TADA1: variants seen among roughly 807,000 people sequenced by gnomAD.
TADA1 encodes transcriptional adapter 1.
Under a neutral mutation model 39.3 loss-of-function variants are expected in TADA1, and 23 were observed. The ratio of observed to expected loss-of-function variants is 0.58; its 90% confidence interval spans 0.42 to 0.83. TADA1 has a LOEUF of 0.83. Among genes scored for constraint, TADA1 ranks in the 40% least tolerant of loss-of-function variants. TADA1 has a pLI of 0.00. For synonymous variants in TADA1, 137 were observed against 151.8 expected, an observed-to-expected ratio of 0.90 and a Z score of 0.72; for missense variants, 352 against 408.1, an observed-to-expected ratio of 0.86 and a Z score of 1.18.
chr1:166,866,750 A>T lies in TADA1; in HGVS notation c.232+2695T>A, dbSNP rs1016277293. 2.5e-3 allele frequency among the ~76,000 whole-genome samples: 373 copies of T among 146,874 alleles called. 3 individuals are homozygous for T. Among genetic ancestry groups the T allele is most frequent in the African/African-American group, 8.3e-3 (331 of 40,090 alleles). On this transcript the variant is annotated intron_variant, in intron 3 of 7. Coordinates refer to ENST00000367874, the MANE Select transcript of TADA1 (RefSeq NM_053053.4). ...TTGTTTGGCAATTTTTTTTATTTTTATTTTTTTTTTTTGAGACAGGGTATT... is the reference window on the plus strand; with the variant it reads ...TTGTTTGGCAATTTTTTTTATTTTTTTTTTTTTTTTTTGAGACAGGGTATT...
At chr1:166,876,130 G>T in intron 1 of TADA1, 30 bp downstream of exon 1, 1 of 1,600,422 alleles carries the variant, frequency 6.2e-7, no homozygotes, top group Non-Finnish European at 8.5e-7. Flanking sequence ...CCGCGTGTTG[G>T]CCTGGACGCT....
chr1:166,861,560 T>C (rs1351562368), intron 5 of TADA1, among the ~76,000 whole-genome samples: 2 of 152,228 alleles, frequency 1.3e-5, no homozygotes, highest in African/African-American at 4.8e-5. Flanking sequence ...ACTAATACTC[T>C]TCAGTGCTGT....
intron 3 of TADA1, among the ~76,000 whole-genome samples, chr1:166,866,771 G>A (rs370443258): frequency 2.6e-5 from 4 of 151,218 alleles, no homozygotes; most frequent in Admixed American, 6.6e-5. Flanking sequence ...TTGAGACAGG[G>A]TATTAGTCTG....
At chr1:166,863,651 A>G (rs928732936) in intron 4 of TADA1, 173 bp downstream of exon 4, 67 of 620,942 alleles carry the variant, frequency 1.1e-4, no homozygotes, top group Non-Finnish European at 8.4e-6. Flanking sequence ...CAAGAACTAT[A>G]AAAATTCAGA....
At chr1:166,865,089 A>T (rs1291406586) in intron 3 of TADA1, among the ~76,000 whole-genome samples, 1 of 129,286 alleles carries the variant, frequency 7.7e-6, no homozygotes, top group Non-Finnish European at 1.7e-5. Context: ...AGCTAAAAAA[A>T]TAAAAATAAA....
chr1:166,866,614 C>T (rs1658540885), intron 3 of TADA1, among the ~76,000 whole-genome samples: 1 of 152,092 alleles, frequency 6.6e-6, no homozygotes, highest in African/African-American at 2.4e-5. Context: ...TTCTCAAAAT[C>T]CAAATGCTTC....
At chr1:166,869,226 C>A in intron 3 of TADA1, 1 of 500,654 alleles carries the variant, frequency 2.0e-6, no homozygotes, top group Admixed American at 2.9e-5. Flanking sequence ...ATGCCAAGAA[C>A]TGAAAATGAG....
chr1:166,861,407 G>T lies in TADA1; in HGVS notation c.540+796C>A, dbSNP rs116393191. 1.7e-3 allele frequency among the ~76,000 whole-genome samples: 253 copies of T among 152,296 alleles called. 1 individual carries two copies. The highest frequency in any genetic ancestry group is 3.4e-3 in the Middle Eastern group (1 of 294). On this transcript the variant is annotated intron_variant, in intron 5 of 7. Transcript: ENST00000367874. ...ACAGATGAAGAAAATAGGGCTCAGA[G>T]AATTGAAAATCCAATGTCACCTGAC...
At chr1:166,867,924 T>C (rs1658572117) in intron 3 of TADA1, among the ~76,000 whole-genome samples, 1 of 152,156 alleles carries the variant, frequency 6.6e-6, no homozygotes, top group Non-Finnish European at 1.5e-5. Flanking sequence ...GAGAGAGGAT[T>C]AAAAAATACC....
intron 5 of TADA1, among the ~76,000 whole-genome samples, chr1:166,860,737 T>C (rs996525006): frequency 2.0e-5 from 3 of 152,196 alleles, no homozygotes; most frequent in Admixed American, 2.0e-4. Flanking sequence ...TAGCACGATC[T>C]CAGCTCACTG....
At chr1:166,870,361 A>G (rs1231017761) in intron 1 of TADA1, among the ~76,000 whole-genome samples, 1 of 152,244 alleles carries the variant, frequency 6.6e-6, no homozygotes, top group Non-Finnish European at 1.5e-5. Flanking sequence ...GCTGTCATCT[A>G]TAGGAGAGAG....
chr1:166,876,091 G>A, intron 1 of TADA1, 69 bp downstream of exon 1: 6 of 1,460,144 alleles, frequency 4.1e-6, no homozygotes, highest in Non-Finnish European at 5.5e-6. Context: ...TCTCCGGGGC[G>A]GGCTGGCAGC....
At chr1:166,870,116 G>A (rs1450864772) in intron 1 of TADA1, among the ~76,000 whole-genome samples, 1 of 152,136 alleles carries the variant, frequency 6.6e-6, no homozygotes, top group Admixed American at 6.5e-5. Context: ...AGGAAATTTT[G>A]CATTCCCTGG....
intron 5 of TADA1, among the ~76,000 whole-genome samples, chr1:166,861,162 G>A (rs1658404650): frequency 6.6e-6 from 1 of 152,156 alleles, no homozygotes; most frequent in South Asian, 2.1e-4. Flanking sequence ...TGAGAGCCAA[G>A]TATATAAGAA....
chr1:166,862,075 C>T, intron 5 of TADA1, 128 bp downstream of exon 5: 1 of 987,466 alleles, frequency 1.0e-6, no homozygotes, highest in East Asian at 2.5e-5. Flanking sequence ...CAGAAAACAA[C>T]TTCAACAATG....
intron 3 of TADA1, among the ~76,000 whole-genome samples, chr1:166,865,468 T>C (rs1288673456): frequency 6.6e-6 from 1 of 150,488 alleles, no homozygotes; most frequent in Admixed American, 6.6e-5. Context: ...CATATATTGT[T>C]TAATGTTAAA....
At chr1:166,875,310 G>A (rs1658737775) in intron 1 of TADA1, among the ~76,000 whole-genome samples, 1 of 152,162 alleles carries the variant, frequency 6.6e-6, no homozygotes, top group African/African-American at 2.4e-5. Flanking sequence ...ACTGGATACT[G>A]ATTTTACCCT....
At chr1:166,873,947 A>G (rs1297961103) in intron 1 of TADA1, among the ~76,000 whole-genome samples, 1 of 152,006 alleles carries the variant, frequency 6.6e-6, no homozygotes, top group Non-Finnish European at 1.5e-5. Context: ...AATCATACAC[A>G]AGCCAGGTCC....
chr1:166,869,348 A>C (rs1022420306), intron 3 of TADA1, 97 bp downstream of exon 3: 50 of 993,542 alleles, frequency 5.0e-5, no homozygotes, highest in Non-Finnish European at 1.1e-5. Flanking sequence ...TAGTTCAAAA[A>C]CATCTGCTTT....
Sources: allele counts gnomAD v4.1 joint callset (sites outside exome capture counted in the v4.1 genomes callset), GRCh38; gene constraint gnomAD v4.1.1; transcripts MANE v1.5; gene names NCBI Gene and HGNC (gene_info 2026-07-23, HGNC 2026-07-21).